The following LTV1 variants were observed in gnomAD, a reference collection of about 807,000 sequenced individuals.
LTV1 encodes the protein LTV1 ribosome biogenesis factor.
LTV1 carries 39 observed loss-of-function variants against 59.9 expected under a neutral mutation model. The observed-to-expected ratio is 0.65, with a 90% CI of 0.50 to 0.85. LTV1 has a LOEUF of 0.85. Among genes scored for constraint, LTV1 ranks in the 40% least tolerant of loss-of-function variants. LTV1 has a pLI of 0.00. For missense variants in LTV1, 493 were observed against 549.1 expected, an observed-to-expected ratio of 0.90 and a Z score of 1.02; for synonymous variants, 171 against 189.5, an observed-to-expected ratio of 0.90 and a Z score of 0.80.
At position 143,860,568 on chromosome 6, in the gene LTV1, C is replaced by A; in HGVS notation, c.923+15C>A. 1.3e-6 allele frequency: 2 copies of A among 1,590,006 alleles called. No individual in the cohort carries two copies. Among genetic ancestry groups the A allele is most frequent in the African/African-American group, 1.4e-5 (1 of 73,834 alleles). On this transcript the variant is annotated intron_variant, in intron 7 of 10. Transcript: ENST00000367576. ...AAGGCAGAGAAGTATAGTGACTTTT[C>A]CTTCCTTGTTTAGCTGTTCTTTTTT...
At position 143,850,184 on chromosome 6, in the gene LTV1, T is replaced by C; in HGVS notation, c.363T>C (p.Asp121=). The C allele has an allele frequency of 6.2e-7, 1 of 1,613,762 alleles. No homozygotes were observed. Among genetic ancestry groups the C allele is most frequent in the Middle Eastern group, 1.6e-4 (1 of 6,062 alleles). The change falls in exon 4 of 11, where the codon GAT becomes GAC. Residue 121 remains aspartate (D), a synonymous_variant. Transcript: ENST00000367576. ...SSVFASEFEE[D]VGLLNKAAPV... Reference sequence around the variant, plus strand: ...TGTTTGCTTCAGAGTTTGAGGAAGATGTTGGATTGTTAAATAAAGCAGCTC... The same window carrying C: ...TGTTTGCTTCAGAGTTTGAGGAAGACGTTGGATTGTTAAATAAAGCAGCTC...
At chr6:143,850,950 A>G (rs1776971531) in intron 4 of LTV1, among the ~76,000 whole-genome samples, 1 of 151,306 alleles carries the variant, frequency 6.6e-6, no homozygotes, top group Non-Finnish European at 1.5e-5. Context: ...CCAGCATCAC[A>G]GGGTTGGGCA....
At chr6:143,848,420 T>A (rs1254443741) in intron 3 of LTV1, among the ~76,000 whole-genome samples, 3 of 152,224 alleles carry the variant, frequency 2.0e-5, no homozygotes, top group African/African-American at 7.2e-5. Flanking sequence ...TTTGTGCTAC[T>A]GAGAAACTCA....
Position 143,852,760 on chromosome 6 carries a change from G to A in LTV1, c.397+2542G>A, listed in dbSNP as rs1777005539. Among the ~76,000 whole-genome samples the A allele has an allele frequency of 1.3e-5, 2 of 152,162 alleles. 1 individual carries two copies. Among genetic ancestry groups the A allele is most frequent in the South Asian group, 4.1e-4 (2 of 4,826 alleles). ...TAATTTTTGTATAAGGTGTAAAGAAGGGGTCCAATTTCAGTTTTCTGCATA... is the reference window on the plus strand; with the variant it reads ...TAATTTTTGTATAAGGTGTAAAGAAAGGGTCCAATTTCAGTTTTCTGCATA... On this transcript the variant is annotated intron_variant, in intron 4 of 10. Coordinates refer to ENST00000367576, the MANE Select transcript of LTV1 (RefSeq NM_032860.5).
chr6:143,857,503 A>T lies in LTV1; in HGVS notation c.539+59A>T. The stretch of plus-strand genomic sequence containing the variant: ...ACCTAAGTGTTACTGCTTCAGTGGG[A>T]TGGTAACCATAGAACGTTACAGTTG... On this transcript the variant is annotated intron_variant, in intron 5 of 10. Coordinates refer to ENST00000367576, the MANE Select transcript of LTV1 (RefSeq NM_032860.5). The surrounding 1 kb of genome is among the most constrained non-coding windows in gnomAD (Gnocchi z 5.2). 3 of 1,449,444 alleles carry T rather than the reference A, an allele frequency of 2.1e-6. No homozygotes were observed. The highest frequency in any genetic ancestry group is 2.9e-6 in the Non-Finnish European group (3 of 1,035,246). The allele number at this position is 1,449,444 out of a possible 1,614,324, so 89.8% of individuals were successfully genotyped here. A position where few individuals can be genotyped will look rare whatever the true frequency, so the allele number is the denominator to read the frequency against.
At chr6:143,861,522 A>C (rs1382120160) in intron 7 of LTV1, among the ~76,000 whole-genome samples, 1 of 152,166 alleles carries the variant, frequency 6.6e-6, no homozygotes, top group African/African-American at 2.4e-5. Flanking sequence ...TATTCCAAGC[A>C]TACGCTTTTT....
intron 4 of LTV1, among the ~76,000 whole-genome samples, chr6:143,854,504 C>T (rs1262659293): frequency 6.6e-6 from 1 of 151,996 alleles, no homozygotes; most frequent in Admixed American, 6.6e-5. Context: ...AATTTGTTTG[C>T]TCTTGTTTCT....
At chr6:143,850,269 CAT>C (rs748511302) in intron 4 of LTV1, 51 bp downstream of exon 4, 5 of 1,396,120 alleles carry the variant, frequency 3.6e-6, no homozygotes, top group Non-Finnish European at 4.0e-6. Context: ...TTTTGCAAAA[CAT>C]AAAGAAATGA....
Position 143,857,353 on chromosome 6 carries a change from T to G in LTV1, c.448T>G (p.Phe150Val). 1 of 1,614,082 alleles carries G rather than the reference T, an allele frequency of 6.2e-7. No homozygotes were observed. Among genetic ancestry groups the G allele is most frequent in the Non-Finnish European group, 8.5e-7 (1 of 1,179,946 alleles). Residue 150 changes from phenylalanine (F) to valine (V), a missense_variant, in exon 5 of 11, where the codon TTT (phenylalanine) becomes GTT (valine). Physicochemically the swap from Phe to Val is conservative, Grantham distance 50 (BLOSUM62 -1). Transcript: ENST00000367576. This position sits in a 1 kb window ranked among gnomAD's most constrained non-coding sequence, Gnocchi z 5.2. Reference sequence around the variant, plus strand: ...CATTGTTGCAGCTCTTGATGATGATTTTGACTTTGATGATCCAGATAATCT... The same window carrying G: ...CATTGTTGCAGCTCTTGATGATGATGTTGACTTTGATGATCCAGATAATCT... Reference protein sequence around the residue: ...PDIVAALDDDFDFDDPDNLLE... With the variant: ...PDIVAALDDDVDFDDPDNLLE...
At chr6:143,846,796 G>A (rs1253853851) in intron 3 of LTV1, among the ~76,000 whole-genome samples, 1 of 152,144 alleles carries the variant, frequency 6.6e-6, no homozygotes, top group African/African-American at 2.4e-5. Context: ...TGTTAAGAAT[G>A]CCCATGTTGT....
chr6:143,852,101 G>T (rs146719578), intron 4 of LTV1, among the ~76,000 whole-genome samples: 8,740 of 152,240 alleles, frequency 0.057, 268 homozygotes, highest in African/African-American at 0.086. Flanking sequence ...TAATGGGATT[G>T]CTGGGTCAAA....
Position 143,860,507 on chromosome 6 carries a change from C to A in LTV1, c.877C>A (p.Arg293Ser). ...AGGTTCTATTCAAGTGGACAGCAAT[C>A]GCTTACAGGAAGTTTTGAATGACTA... ...LEGSIQVDSN[R>S]LQEVLNDYYK... Residue 293 changes from arginine to serine, a missense_variant, in exon 7 of 11, where the codon CGC becomes AGC. By Grantham distance (110) the Arg-to-Ser change is moderately radical (BLOSUM62 -1). Coordinates refer to ENST00000367576, the MANE Select transcript of LTV1 (RefSeq NM_032860.5). The A allele has an allele frequency of 6.2e-7, 1 of 1,613,452 alleles. No individual in the cohort carries two copies. The highest frequency in any genetic ancestry group is 1.3e-5 in the African/African-American group (1 of 74,978).
chr6:143,844,394 A>G (rs1227091399), intron 1 of LTV1, 92 bp from the exon 2 acceptor site: 4 of 1,360,122 alleles, frequency 2.9e-6, no homozygotes, highest in Middle Eastern at 1.9e-4. Flanking sequence ...TATCTTTAAC[A>G]TGACTACTAA....
Position 143,862,030 on chromosome 6 carries a change from G to A in LTV1, c.924-74G>A. On this transcript the variant is annotated intron_variant, in intron 7 of 10. Transcript: ENST00000367576. The surrounding 1 kb of genome is among the most constrained non-coding windows in gnomAD (Gnocchi z 4.2). ...GGTTTTTCCACAGCTAAAAATTGCA[G>A]TTTTAGTGACATAGTATAATAATAG... 1 of 1,469,572 alleles carries A rather than the reference G, an allele frequency of 6.8e-7. No homozygotes were observed. Among genetic ancestry groups the A allele is most frequent in the Non-Finnish European group, 9.2e-7 (1 of 1,082,368 alleles). The allele number at this position is 1,469,572 out of a possible 1,614,324, so 91.0% of individuals were successfully genotyped here.
chr6:143,843,599 G>C (rs1776838799), intron 1 of LTV1, 119 bp downstream of exon 1: 1 of 1,339,772 alleles, frequency 7.5e-7, no homozygotes, highest in Admixed American at 2.0e-5. Flanking sequence ...GGCTGCTTGC[G>C]GCACGGTACC....
intron 6 of LTV1, chr6:143,858,409 A>ATGATACGGCG: frequency 5.4e-6 from 1 of 185,024 alleles, no homozygotes; most frequent in Admixed American, 5.3e-5. Context: ...TGGCCCTTAA[A>ATGATACGGCG]ACCCCCAGAA....
intron 4 of LTV1, among the ~76,000 whole-genome samples, chr6:143,856,225 C>T (rs957745812): frequency 1.2e-4 from 19 of 152,256 alleles, no homozygotes; most frequent in Admixed American, 3.3e-4. Context: ...TTGATCAATT[C>T]GGCTATTGAT....
At position 143,862,071 on chromosome 6, in the gene LTV1, C is replaced by T. The variant is rs1264968290; in HGVS notation, c.924-33C>T. The T allele has an allele frequency of 1.3e-6, 2 of 1,598,440 alleles. No individual in the cohort carries two copies. Among genetic ancestry groups the T allele is most frequent in the Admixed American group, 1.8e-5 (1 of 56,436 alleles). On this transcript the variant is annotated intron_variant, in intron 7 of 10. Coordinates refer to ENST00000367576, the MANE Select transcript of LTV1 (RefSeq NM_032860.5). The surrounding 1 kb of genome is among the most constrained non-coding windows in gnomAD (Gnocchi z 4.2). ...ATAATAATAGGTCATTTTTCCCCCT[C>T]TTGGTCTTCACTTTTAAAAACTCGT... is the stretch of plus-strand genomic sequence containing the variant.
Position 143,843,353 on chromosome 6 carries a change from G to A in LTV1, c.-125G>A, listed in dbSNP as rs1204483530. ...GGCCGGCTGGGTGACGTTATCGCCGGGTCCTGGGGCTGCACGTGTGGTGAG... is the reference window on the plus strand; with the variant it reads ...GGCCGGCTGGGTGACGTTATCGCCGAGTCCTGGGGCTGCACGTGTGGTGAG... On this transcript the variant is annotated 5_prime_UTR_variant, in exon 1 of 11. Transcript: ENST00000367576. The A allele has an allele frequency of 2.5e-6, 3 of 1,194,066 alleles. 1 individual carries two copies. Among genetic ancestry groups the A allele is most frequent in the South Asian group, 2.4e-5 (2 of 82,598 alleles). 74.0% of individuals were successfully genotyped at this position (1,194,066 alleles called of 1,614,324 possible). A position where few individuals can be genotyped will look rare whatever the true frequency, so the allele number is the denominator to read the frequency against.
Sources: gnomAD v4.1 joint callset for allele counts (sites outside exome capture counted in the v4.1 genomes callset) on GRCh38, gnomAD v4.1.1 for gene constraint, Gnocchi (gnomAD v3.1) non-coding constraint, MANE v1.5 for transcripts, NCBI Gene and HGNC (gene_info 2026-07-23, HGNC 2026-07-21) for gene names.